TANGO6: variants seen among roughly 807,000 people sequenced by gnomAD.
The protein encoded by TANGO6 is transport and golgi organization 6 homolog.
In TANGO6, 90 loss-of-function variants were observed where a neutral mutation model predicts 114.2. The ratio of observed to expected loss-of-function variants is 0.79; its 90% confidence interval spans 0.66 to 0.94. The LOEUF (loss-of-function observed/expected upper bound fraction) is 0.94, where lower values mean the gene tolerates loss of function less well. TANGO6 is among the 40% of genes least tolerant of loss of function. The pLI is 0.00. For missense variants in TANGO6, 1,274 were observed against 1,315.3 expected, an observed-to-expected ratio of 0.97 and a Z score of 0.49; for synonymous variants, 477 against 509.8, an observed-to-expected ratio of 0.94 and a Z score of 0.87.
At chr16:69,071,021 A>C (rs1196954180) in intron 17 of TANGO6, among the ~76,000 whole-genome samples, 1 of 152,014 alleles carries the variant, frequency 6.6e-6, no homozygotes, top group Non-Finnish European at 1.5e-5. Context: ...TGATCCACCC[A>C]CCTCTGGCCT....
At chr16:69,050,422 G>C (rs1959930145) in intron 17 of TANGO6, among the ~76,000 whole-genome samples, 1 of 151,832 alleles carries the variant, frequency 6.6e-6, no homozygotes, top group Non-Finnish European at 1.5e-5. Flanking sequence ...GCTCGGTGCA[G>C]CCTCAAACTC....
At chr16:69,056,804 C>T (rs950537101) in intron 17 of TANGO6, among the ~76,000 whole-genome samples, 4 of 151,870 alleles carry the variant, frequency 2.6e-5, no homozygotes, top group Non-Finnish European at 5.9e-5. Flanking sequence ...ACAGTAACCC[C>T]GAGTATCTGG....
intron 15 of TANGO6, among the ~76,000 whole-genome samples, chr16:69,004,404 G>A (rs1449527403): frequency 1.3e-5 from 2 of 151,036 alleles, no homozygotes; most frequent in South Asian, 2.1e-4. Flanking sequence ...CATCCAGGCT[G>A]GAGTGTAATG....
At position 68,907,527 on chromosome 16, in the gene TANGO6, C is replaced by T. The variant is rs1212936720; in HGVS notation, c.1752C>T (p.His584=). 3 of 1,613,210 alleles carry T rather than the reference C, an allele frequency of 1.9e-6. No individual in the cohort carries two copies. The highest frequency in any genetic ancestry group is 2.5e-6 in the Non-Finnish European group (3 of 1,179,710). ...RVEHLGDLLS[H]CQECGLAGDF... ...AGCATCTCGGGGACTTGCTGTCCCA[C>T]TGCCAGGAATGCGGTTTGGCAGGAG... Residue 584 remains histidine (H), a synonymous_variant, in exon 10 of 18, where the codon CAC becomes CAT. Coordinates refer to ENST00000261778, the MANE Select transcript of TANGO6 (RefSeq NM_024562.2).
chr16:68,881,420 A>T (rs7200042), intron 7 of TANGO6, among the ~76,000 whole-genome samples: 11,294 of 152,176 alleles, frequency 0.074, 874 homozygotes, highest in African/African-American at 0.2. Context: ...AGGCTGAGAC[A>T]GGAGAATTGC....
rs565140202 is a variant in TANGO6, at chr16:68,980,596, G to A, written c.2842+6428G>A. On this transcript the variant is annotated intron_variant, in intron 15 of 17. Transcript: ENST00000261778. ...CCAGCTACTCAGGACTCCGAGGTGGGAGGATCTCTTGAGCCCAGGGGTTTG... is the reference window on the plus strand; with the variant it reads ...CCAGCTACTCAGGACTCCGAGGTGGAAGGATCTCTTGAGCCCAGGGGTTTG... 2.8e-4 allele frequency among the ~76,000 whole-genome samples: 43 copies of A among 151,628 alleles called. No individual in the cohort carries two copies. The South Asian group carries it at 7.9e-3, about 28-fold the overall frequency.
chr16:69,070,364 G>C (rs143939627), intron 17 of TANGO6, among the ~76,000 whole-genome samples: 2 of 152,028 alleles, frequency 1.3e-5, no homozygotes, highest in Non-Finnish European at 2.9e-5. Flanking sequence ...CAGGCGCAGT[G>C]GCTCACGCCT....
chr16:68,939,950 A>G lies in TANGO6; in HGVS notation c.2701+9655A>G, dbSNP rs1260442292. 2.6e-5 allele frequency among the ~76,000 whole-genome samples: 4 copies of G among 152,108 alleles called. No homozygotes were observed. The East Asian group carries it at 7.7e-4, about 29-fold the overall frequency. ...GCCTGTGATTCATGAACTTGGGGTC[A>G]GGCATAAACTGTGTAGCACCTGAGC... On this transcript the variant is annotated intron_variant, in intron 14 of 17. Transcript: ENST00000261778.
chr16:69,006,576 T>C (rs554590511), intron 15 of TANGO6, among the ~76,000 whole-genome samples: 2 of 151,608 alleles, frequency 1.3e-5, no homozygotes, highest in East Asian at 3.9e-4. Flanking sequence ...AAACTCCATC[T>C]CTACTTAAAA....
At chr16:69,080,533 G>C (rs1960448240) in intron 17 of TANGO6, among the ~76,000 whole-genome samples, 4 of 152,176 alleles carry the variant, frequency 2.6e-5, no homozygotes, top group Admixed American at 2.0e-4. Flanking sequence ...CTGGACAACA[G>C]AGTGAGACCC....
At chr16:69,023,081 G>C in intron 16 of TANGO6, 102 bp downstream of exon 16, 1 of 1,245,918 alleles carries the variant, frequency 8.0e-7, no homozygotes. Context: ...TTGCAGATCT[G>C]CCACTGCCTC....
At chr16:68,887,983 G>T (rs76508960) in intron 7 of TANGO6, among the ~76,000 whole-genome samples, 1 of 152,248 alleles carries the variant, frequency 6.6e-6, no homozygotes, top group Non-Finnish European at 1.5e-5. Context: ...TTACTCTTGC[G>T]TCCTTCACTC....
At position 68,902,473 on chromosome 16, in the gene TANGO6, G is replaced by A; in HGVS notation, c.1636G>A (p.Gly546Ser). ...LCQFRVATQG[G>S]IMITIKEAIS... is the part of the protein sequence containing the mutation. ...TCAGTTTAGAGTTGCCACTCAAGGTGGCATTATGATTACCATCAAAGAGGC... is the reference window on the plus strand; with the variant it reads ...TCAGTTTAGAGTTGCCACTCAAGGTAGCATTATGATTACCATCAAAGAGGC... Residue 546 changes from glycine (G) to serine (S), a missense_variant, in exon 9 of 18, where the codon GGC becomes AGC. Around this residue, in one of 5 missense-constraint regions of TANGO6, gnomAD observed 908 missense variants for 910.2 expected, o/e 1.00. Transcript: ENST00000261778. 6.2e-7 allele frequency: 1 copy of A among 1,612,700 alleles called. No homozygotes were observed. The highest frequency in any genetic ancestry group is 8.5e-7 in the Non-Finnish European group (1 of 1,179,310).
At chr16:68,964,773 C>T (rs1317079398) in intron 14 of TANGO6, among the ~76,000 whole-genome samples, 1 of 151,712 alleles carries the variant, frequency 6.6e-6, no homozygotes, top group Non-Finnish European at 1.5e-5. Context: ...GCTATGTTGG[C>T]CTGGCCAGTC....
At chr16:68,862,915 C>G in intron 2 of TANGO6, 30 bp from the exon 3 acceptor site, 2 of 1,461,854 alleles carry the variant, frequency 1.4e-6, no homozygotes, top group Non-Finnish European at 1.9e-6. Context: ...GGTTTGAATT[C>G]CACTAAAGCC....
intron 3 of TANGO6, among the ~76,000 whole-genome samples, chr16:68,864,066 C>T (rs1264914178): frequency 1.3e-5 from 2 of 151,280 alleles, no homozygotes; most frequent in African/African-American, 4.9e-5. Context: ...CCCAGCTACT[C>T]GGGAGGCTGA....
At chr16:68,984,920 CT>C (rs942108287) in intron 15 of TANGO6, among the ~76,000 whole-genome samples, 2 of 150,414 alleles carry the variant, frequency 1.3e-5, no homozygotes, top group African/African-American at 4.9e-5. Context: ...TTTCTTCAAG[CT>C]TTTTTTTTCT....
At chr16:68,868,815 T>C (rs1199264616) in intron 4 of TANGO6, among the ~76,000 whole-genome samples, 1 of 152,152 alleles carries the variant, frequency 6.6e-6, no homozygotes, top group Non-Finnish European at 1.5e-5. Flanking sequence ...CTAACTAATA[T>C]ATGGGAATTC....
chr16:68,919,438 G>C (rs1963058134), intron 12 of TANGO6, among the ~76,000 whole-genome samples: 1 of 152,180 alleles, frequency 6.6e-6, no homozygotes, highest in African/African-American at 2.4e-5. Context: ...ACTATCAGAA[G>C]GGCAGGGTCC....
Sources: gnomAD v4.1 joint callset for allele counts (sites outside exome capture counted in the v4.1 genomes callset) on GRCh38, gnomAD v4.1.1 for gene constraint, gnomAD v4.1.1 regional missense constraint, MANE v1.5 for transcripts, NCBI Gene and HGNC (gene_info 2026-07-23, HGNC 2026-07-21) for gene names.